Variants in DPY30 observed in about 807,000 individuals in gnomAD.
The protein encoded by DPY30 is protein dpy-30 homolog.
A neutral mutation model predicts 16.2 loss-of-function variants in DPY30; 6 were observed. The ratio of observed to expected loss-of-function variants is 0.37; its 90% CI spans 0.20 to 0.73. The LOEUF (loss-of-function observed/expected upper bound fraction) is 0.73, where lower values mean the gene tolerates loss of function less well. Ranked by LOEUF, DPY30 falls within the 30% of genes least tolerant of loss-of-function variation. The pLI is 0.51. For synonymous variants in DPY30, 39 were observed against 38.8 expected (o/e 1.00, Z -0.02); for missense variants, 73 against 113.1 (o/e 0.65, Z 1.61).
At chr2:32,034,569 C>T (rs1017828396) in intron 3 of DPY30, among the ~76,000 whole-genome samples, 2 of 152,188 alleles carry the variant, frequency 1.3e-5, no homozygotes, top group Non-Finnish European at 1.5e-5. Flanking sequence ...TAGGCCCCAC[C>T]TCCAACACTG....
chr2:32,031,505 G>A (rs554186676), intron 3 of DPY30, among the ~76,000 whole-genome samples: 3 of 152,062 alleles, frequency 2.0e-5, no homozygotes, highest in East Asian at 1.9e-4. Flanking sequence ...GCTGAAACAC[G>A]AAAATCACTT....
At chr2:32,017,538 C>T (rs2148650909) in intron 5 of DPY30, among the ~76,000 whole-genome samples, 1 of 151,592 alleles carries the variant, frequency 6.6e-6, no homozygotes, top group South Asian at 2.1e-4. Context: ...AAGCTTCTAC[C>T]TGGGAGGCGG....
chr2:32,031,669 C>T (rs1182191634), intron 3 of DPY30, among the ~76,000 whole-genome samples: 1 of 151,730 alleles, frequency 6.6e-6, no homozygotes, highest in African/African-American at 2.4e-5. Flanking sequence ...CCCAAGAGGG[C>T]GGATCATGCA....
chr2:32,039,676 A>T (rs1675891458), intron 1 of DPY30, 57 bp downstream of exon 1: 2 of 609,770 alleles, frequency 3.3e-6, no homozygotes, highest in South Asian at 3.9e-5. Flanking sequence ...TGGAAACTCT[A>T]CGACAGTCCC....
At chr2:32,035,206 C>G (rs1675690607) in intron 3 of DPY30, among the ~76,000 whole-genome samples, 1 of 151,944 alleles carries the variant, frequency 6.6e-6, no homozygotes, top group South Asian at 2.1e-4. Context: ...TCACTTAAGA[C>G]CAGGAGTTTG....
intron 3 of DPY30, among the ~76,000 whole-genome samples, chr2:32,038,723 C>T (rs1369254285): frequency 7.0e-6 from 1 of 143,232 alleles, no homozygotes; most frequent in African/African-American, 2.6e-5. Flanking sequence ...GATCTCAGCT[C>T]ACTGCAACCT....
chr2:32,022,552 CTG>C (rs1299334668), downstream of DPY30, among the ~76,000 whole-genome samples: 1 of 151,324 alleles, frequency 6.6e-6, no homozygotes, highest in Non-Finnish European at 1.5e-5. Context: ...CAGTCTCACT[CTG>C]TCGCCCAGGC....
intron 3 of DPY30, among the ~76,000 whole-genome samples, chr2:32,031,699 C>T (rs906635071): frequency 6.6e-6 from 1 of 152,002 alleles, no homozygotes; most frequent in Non-Finnish European, 1.5e-5. Flanking sequence ...TCGAGACCAG[C>T]CTGACCAACA....
intron 3 of DPY30, among the ~76,000 whole-genome samples, chr2:32,033,411 G>A (rs1675617819): frequency 6.6e-6 from 1 of 152,150 alleles, no homozygotes; most frequent in African/African-American, 2.4e-5. Flanking sequence ...GGTGGCTCAC[G>A]CCTGTAATCC....
downstream of DPY30, chr2:32,020,985 T>C (rs1259692784): frequency 6.7e-6 from 1 of 148,930 alleles, no homozygotes; most frequent in Non-Finnish European, 1.5e-5. Flanking sequence ...AAAAAAAAAA[T>C]TGGCCGGGCA....
chr2:32,035,751 C>A (rs1675710115), intron 3 of DPY30, among the ~76,000 whole-genome samples: 1 of 151,446 alleles, frequency 6.6e-6, no homozygotes, highest in African/African-American at 2.4e-5. Flanking sequence ...CTGACAAACA[C>A]TGTGAAACCC....
At chr2:32,015,137 A>C (rs1675040081) in intron 5 of DPY30, among the ~76,000 whole-genome samples, 1 of 152,196 alleles carries the variant, frequency 6.6e-6, no homozygotes, top group South Asian at 2.1e-4. Flanking sequence ...GAATCTACAC[A>C]GCAATATTAA....
chr2:32,039,441 T>A lies in DPY30; in HGVS notation c.16A>T (p.Met6Leu). MEPEQ[M>L]LEGQTQVAEN... ...GATACCTGCGTTTGTCCCTCCAGCA[T>A]CTGCTCTGGCTCCATGGCGGACCCT... The change falls in exon 2 of 5, where the codon ATG (methionine) becomes TTG (leucine). Residue 6 changes from methionine (M) to leucine (L), a missense_variant. Around this residue, in one of 3 missense-constraint regions of DPY30, gnomAD observed 52 missense variants for 71.5 expected, o/e 0.73. Coordinates refer to ENST00000342166, the MANE Select transcript of DPY30 (RefSeq NM_001321209.2). 6.2e-7 allele frequency: 1 copy of A among 1,613,916 alleles called. No individual in the cohort carries two copies. Among genetic ancestry groups the A allele is most frequent in the Non-Finnish European group, 8.5e-7 (1 of 1,180,024 alleles).
intron 3 of DPY30, among the ~76,000 whole-genome samples, chr2:32,031,652 T>G (rs530278281): frequency 1.9e-4 from 29 of 151,732 alleles, no homozygotes; most frequent in African/African-American, 6.8e-4. Context: ...CCCAGCACTT[T>G]GAGAGGCCCA....
intron 3 of DPY30, among the ~76,000 whole-genome samples, chr2:32,034,325 G>A (rs180799150): frequency 7.4e-4 from 113 of 152,278 alleles, no homozygotes; most frequent in Non-Finnish European, 1.4e-3. Context: ...CAAGCATGGC[G>A]CCAGCATCTG....
At chr2:32,028,993 C>G (rs557929681) in intron 4 of DPY30, among the ~76,000 whole-genome samples, 1 of 152,028 alleles carries the variant, frequency 6.6e-6, no homozygotes, top group African/African-American at 2.4e-5. Flanking sequence ...AATAATAGGC[C>G]GGGCGCAGTG....
At chr2:32,029,960 T>G (rs1257844788) in intron 3 of DPY30, among the ~76,000 whole-genome samples, 1 of 151,992 alleles carries the variant, frequency 6.6e-6, no homozygotes, top group Non-Finnish European at 1.5e-5. Context: ...ATTGTTCTAA[T>G]GTCATGTCTC....
At chr2:32,012,744 T>G (rs1052363833) in intron 5 of DPY30, among the ~76,000 whole-genome samples, 1 of 152,148 alleles carries the variant, frequency 6.6e-6, no homozygotes, top group Non-Finnish European at 1.5e-5. Flanking sequence ...AGGCCAAAGC[T>G]ACTTTAGAGG....
intron 3 of DPY30, 133 bp downstream of exon 3, chr2:32,039,146 C>T (rs933158125): frequency 2.9e-6 from 3 of 1,037,148 alleles, no homozygotes; most frequent in Non-Finnish European, 3.0e-6. Context: ...ACAAGCTACC[C>T]ATAACTTGAT....
Sources: gnomAD v4.1 joint callset for allele counts (sites outside exome capture counted in the v4.1 genomes callset) on GRCh38, gnomAD v4.1.1 for gene constraint, gnomAD v4.1.1 regional missense constraint, MANE v1.5 for transcripts, NCBI Gene and HGNC (gene_info 2026-07-23, HGNC 2026-07-21) for gene names.